The following ZBTB40 variants were observed in gnomAD, a reference collection of about 807,000 sequenced individuals.
ZBTB40 encodes the protein zinc finger and BTB domain containing 40.
Under a neutral mutation model 117.5 loss-of-function variants are expected in ZBTB40, and 60 were observed. The observed-to-expected ratio is 0.51, with a 90% confidence interval of 0.41 to 0.63. ZBTB40 has a LOEUF of 0.63. ZBTB40 is among the 30% of genes least tolerant of loss of function. The probability of loss-of-function intolerance (pLI) is 0.00; values close to 1 mark genes in which losing one functional copy is unlikely to be tolerated. For synonymous variants in ZBTB40, 525 were observed against 577.1 expected (o/e 0.91, Z 1.29); for missense variants, 1,287 against 1,498.5 (o/e 0.86, Z 2.33).
In ZBTB40 at chr1:22,454,246, C is replaced by A. The variant is rs116169161; in HGVS notation, c.-70+2242C>A. Among the ~76,000 whole-genome samples, 868 of 152,330 alleles carry A rather than the reference C, an allele frequency of 5.7e-3. 6 individuals are homozygous for A. The highest frequency in any genetic ancestry group is 0.02 in the African/African-American group (839 of 41,564). Reference sequence around the variant, plus strand: ...GGGATTATAGGCGTGAGCCATCGCGCCCGGCCTCGAACAAATATTTTAGTG... The same window carrying A: ...GGGATTATAGGCGTGAGCCATCGCGACCGGCCTCGAACAAATATTTTAGTG... On this transcript the variant is annotated intron_variant, in intron 1 of 17. Transcript: ENST00000375647.
chr1:22,468,799 T>G (rs1005806006), intron 1 of ZBTB40, among the ~76,000 whole-genome samples: 36 of 151,022 alleles, frequency 2.4e-4, no homozygotes, highest in African/African-American at 8.0e-4. Flanking sequence ...ATGCTTGGTG[T>G]TTCCTTATTG....
chr1:22,446,875 A>C (rs867750152), upstream of ZBTB40, among the ~76,000 whole-genome samples: 26 of 152,186 alleles, frequency 1.7e-4, no homozygotes, highest in Middle Eastern at 0.01. Context: ...GGCTGAGGCA[A>C]GCAGACCCCT....
At chr1:22,508,459 G>C in intron 7 of ZBTB40, 71 bp from the exon 8 acceptor site, 1 of 1,562,570 alleles carries the variant, frequency 6.4e-7, no homozygotes, top group Non-Finnish European at 8.8e-7. Flanking sequence ...CCAATATCTA[G>C]ACTTGCAGCT....
intron 12 of ZBTB40, among the ~76,000 whole-genome samples, chr1:22,516,173 G>A (rs1639368258): frequency 6.6e-6 from 1 of 152,114 alleles, no homozygotes; most frequent in South Asian, 2.1e-4. Flanking sequence ...GGGAGTGTGT[G>A]GATGGTGGCT....
chr1:22,436,629 G>A (rs1460998167), intron 1 of ZBTB40, among the ~76,000 whole-genome samples: 1 of 152,052 alleles, frequency 6.6e-6, no homozygotes, highest in Non-Finnish European at 1.5e-5. Context: ...CACAAATTGT[G>A]GTATATCCAT....
At chr1:22,457,883 A>G (rs552017398) in intron 1 of ZBTB40, among the ~76,000 whole-genome samples, 2 of 151,688 alleles carry the variant, frequency 1.3e-5, no homozygotes, top group Non-Finnish European at 2.9e-5. Context: ...TTCCTTCTTG[A>G]CTCCTTTTGC....
chr1:22,510,377 C>G (rs750280226), intron 9 of ZBTB40, among the ~76,000 whole-genome samples: 1 of 152,188 alleles, frequency 6.6e-6, no homozygotes, highest in Non-Finnish European at 1.5e-5. Flanking sequence ...CTCTCCAGCA[C>G]GCCGTAACTT....
chr1:22,500,101 T>C (rs953133520), intron 3 of ZBTB40, among the ~76,000 whole-genome samples: 2 of 152,274 alleles, frequency 1.3e-5, no homozygotes, highest in Admixed American at 1.3e-4. Flanking sequence ...AAATTCAGTT[T>C]TGGTTACCAG....
intron 1 of ZBTB40, among the ~76,000 whole-genome samples, chr1:22,455,272 A>G (rs960929847): frequency 6.6e-6 from 1 of 152,238 alleles, no homozygotes; most frequent in African/African-American, 2.4e-5. Flanking sequence ...AAAGTTTTCA[A>G]AATAATGTCA....
intron 1 of ZBTB40, among the ~76,000 whole-genome samples, chr1:22,486,201 A>T (rs957354440): frequency 2.6e-5 from 4 of 152,334 alleles, no homozygotes; most frequent in Non-Finnish European, 5.9e-5. Flanking sequence ...ATGTGGTAGT[A>T]GGGTGCAGGG....
chr1:22,462,948 T>C (rs1280228337), intron 1 of ZBTB40, among the ~76,000 whole-genome samples: 1 of 152,228 alleles, frequency 6.6e-6, no homozygotes, highest in African/African-American at 2.4e-5. Context: ...AGCAAATACT[T>C]TGATAGGTGT....
Position 22,502,326 on chromosome 1 carries a change from C to A in ZBTB40, c.1052C>A (p.Ser351Tyr), listed in dbSNP as rs147907060. The change falls in exon 5 of 18, where the codon TCT becomes TAT. Residue 351 changes from serine (S) to tyrosine (Y), a missense_variant. By Grantham distance (144) the Ser-to-Tyr change is moderately radical (BLOSUM62 -2). Coordinates refer to ENST00000375647, the MANE Select transcript of ZBTB40 (RefSeq NM_014870.4). Reference protein sequence around the residue: ...KGSTEEGKTLSVLLLEHKEDL... With the variant: ...KGSTEEGKTLYVLLLEHKEDL... ...AGCACAGAGGAGGGAAAGACCTTGT[C>A]TGTTCTGTTACTAGAACACAAAGAG... 5.1e-5 allele frequency: 82 copies of A among 1,613,800 alleles called. No individual in the cohort carries two copies. In the African/African-American group the frequency reaches 1.0e-3, roughly 20 times the overall value.
intron 13 of ZBTB40, 38 bp from the exon 14 acceptor site, chr1:22,520,023 C>T (rs1411242440): frequency 1.9e-6 from 3 of 1,596,032 alleles, no homozygotes; most frequent in Non-Finnish European, 2.6e-6. Context: ...TTCTTTTCCT[C>T]TCCACCTCTT....
intron 1 of ZBTB40, among the ~76,000 whole-genome samples, chr1:22,434,306 T>A (rs1009839931): frequency 1.3e-5 from 2 of 152,208 alleles, no homozygotes; most frequent in Non-Finnish European, 2.9e-5. Flanking sequence ...AGATTTTTGG[T>A]CTTGTTCTTG....
At chr1:22,433,672 A>C (rs933979265) in intron 1 of ZBTB40, among the ~76,000 whole-genome samples, 51 of 137,254 alleles carry the variant, frequency 3.7e-4, no homozygotes, top group Admixed American at 2.0e-3. Context: ...CCTAGAACTA[A>C]CCCTCCACCG....
At chr1:22,501,413 G>A in intron 3 of ZBTB40, 79 bp from the exon 4 acceptor site, 2 of 1,500,832 alleles carry the variant, frequency 1.3e-6, no homozygotes, top group East Asian at 2.3e-5. Flanking sequence ...AACTGTTGAG[G>A]ACCTTGTTTG....
chr1:22,530,794 C>T lies in ZBTB40; in HGVS notation c.*4398C>T, dbSNP rs1639809470. On this transcript the variant is annotated 3_prime_UTR_variant, in exon 18 of 18. Coordinates refer to ENST00000375647, the MANE Select transcript of ZBTB40 (RefSeq NM_014870.4). ...GGGACAGGGGTGATAGGCCTGGTGTCCTAGGGGCCATTTGTGTACCTTGAG... is the reference window on the plus strand; with the variant it reads ...GGGACAGGGGTGATAGGCCTGGTGTTCTAGGGGCCATTTGTGTACCTTGAG... 1 of 152,224 alleles carries T rather than the reference C, an allele frequency of 6.6e-6. No homozygotes were observed. Among genetic ancestry groups the T allele is most frequent in the Admixed American group, 6.5e-5 (1 of 15,286 alleles). 9.4% of individuals were successfully genotyped at this position (152,224 alleles called of 1,614,324 possible). A position where few individuals can be genotyped will look rare whatever the true frequency, so the allele number is the denominator to read the frequency against.
In ZBTB40 at chr1:22,517,487, A is replaced by G. The variant is rs1423206687; in HGVS notation, c.2833+23A>G. 3 of 1,601,984 alleles carry G rather than the reference A, an allele frequency of 1.9e-6. No homozygotes were observed. The South Asian group carries it at 3.3e-5, about 18-fold the overall frequency. ...ACAGTATGTAGAGACTGTGGATCTC[A>G]AGCCCTCAGTGCCAGCCTGGCACTG... On this transcript the variant is annotated intron_variant, in intron 13 of 17. Coordinates refer to ENST00000375647, the MANE Select transcript of ZBTB40 (RefSeq NM_014870.4).
At chr1:22,434,692 C>G (rs945491726) in intron 1 of ZBTB40, among the ~76,000 whole-genome samples, 1 of 152,152 alleles carries the variant, frequency 6.6e-6, no homozygotes, top group Non-Finnish European at 1.5e-5. Context: ...TACTTCACAT[C>G]TTTAGCATAA....
Sources: gnomAD v4.1 joint callset for allele counts (sites outside exome capture counted in the v4.1 genomes callset) on GRCh38, gnomAD v4.1.1 for gene constraint, MANE v1.5 for transcripts, NCBI Gene and HGNC (gene_info 2026-07-23, HGNC 2026-07-21) for gene names.